The following CPM variants were observed in gnomAD, a reference collection of about 807,000 sequenced individuals.
CPM encodes the protein renal carboxypeptidase.
A neutral mutation model predicts 46.4 loss-of-function variants in CPM; 35 were observed. That is an observed-to-expected ratio of 0.75 (90% confidence interval 0.58 to 1.00). The LOEUF (loss-of-function observed/expected upper bound fraction) is 1.00, where lower values mean the gene tolerates loss of function less well. Ranked by LOEUF, CPM falls within the 50% of genes least tolerant of loss-of-function variation. The pLI, the probability that CPM is intolerant of heterozygous loss-of-function variation, is 0.00. For missense variants in CPM, 422 were observed against 530.4 expected, an observed-to-expected ratio of 0.80 and a Z score of 2.01; for synonymous variants, 195 against 195.3, an observed-to-expected ratio of 1.00 and a Z score of 0.01.
intron 2 of CPM, among the ~76,000 whole-genome samples, chr12:68,928,149 C>T (rs1888348105): frequency 1.3e-5 from 2 of 152,216 alleles, no homozygotes; most frequent in African/African-American, 4.8e-5. Flanking sequence ...ACCAAAACAG[C>T]ATGGTACTGG....
intron 2 of CPM, among the ~76,000 whole-genome samples, chr12:68,910,406 A>G (rs1261628707): frequency 6.6e-6 from 1 of 152,214 alleles, no homozygotes; most frequent in East Asian, 1.9e-4. Context: ...GGAAATGCAC[A>G]TCAACTTTTT....
chr12:68,945,259 T>C (rs1888827782), intron 1 of CPM, among the ~76,000 whole-genome samples: 1 of 152,188 alleles, frequency 6.6e-6, no homozygotes. Flanking sequence ...CATCCTTGCT[T>C]CCAAGTGAAA....
At chr12:68,858,041 T>C (rs1885050370) in intron 8 of CPM, among the ~76,000 whole-genome samples, 2 of 152,212 alleles carry the variant, frequency 1.3e-5, no homozygotes, top group Admixed American at 1.3e-4. Context: ...GGAGAACCCA[T>C]GGAGCATGGA....
Position 68,932,777 on chromosome 12 carries a change from T to C in CPM, c.61A>G (p.Asn21Asp). 1.2e-6 allele frequency: 2 copies of C among 1,614,064 alleles called. No homozygotes were observed. Among genetic ancestry groups the C allele is most frequent in the Non-Finnish European group, 1.7e-6 (2 of 1,179,990 alleles). ...TCCATCCCTTCCTGGCGGTGGTAGT[T>C]GAAATCCAGCGCAGCTACCAAAGGC... The part of the protein sequence containing the change: ...LLPLVAALDF[N>D]YHRQEGMEAF... Residue 21 changes from asparagine (N) to aspartate (D), a missense_variant, in exon 2 of 9, where the codon AAC becomes GAC. By Grantham distance (23) the Asn-to-Asp change is conservative (BLOSUM62 1). Transcript: ENST00000551568.
intron 1 of CPM, among the ~76,000 whole-genome samples, chr12:68,954,353 C>T (rs1282518300): frequency 6.6e-6 from 1 of 152,194 alleles, no homozygotes; most frequent in Non-Finnish European, 1.5e-5. Context: ...CCAAAGACCT[C>T]CAAGGAGCAC....
chr12:68,866,862 AT>A, intron 7 of CPM, 33 bp downstream of exon 7: 1 of 1,579,888 alleles, frequency 6.3e-7, no homozygotes, highest in South Asian at 1.1e-5. Flanking sequence ...TCTATTTTGT[AT>A]TAATAGGGAA....
intron 2 of CPM, among the ~76,000 whole-genome samples, chr12:68,891,927 G>A (rs1886671552): frequency 6.6e-6 from 1 of 152,100 alleles, no homozygotes; most frequent in East Asian, 1.9e-4. Flanking sequence ...AGTAGAGATG[G>A]GGTTTAGCCA....
At chr12:68,949,190 G>A (rs1888895774) in intron 1 of CPM, among the ~76,000 whole-genome samples, 1 of 152,112 alleles carries the variant, frequency 6.6e-6, no homozygotes, top group Non-Finnish European at 1.5e-5. Flanking sequence ...AGCCAACATG[G>A]CGAAAGCTCA....
chr12:68,929,337 G>C lies in CPM; in HGVS notation c.160+3341C>G, dbSNP rs570281863. Among the ~76,000 whole-genome samples, 5 of 152,230 alleles carry C rather than the reference G, an allele frequency of 3.3e-5. No individual in the cohort carries two copies. In the South Asian group the frequency reaches 1.0e-3, roughly 32 times the overall value. On this transcript the variant is annotated intron_variant, in intron 2 of 8. Transcript: ENST00000551568. Reference sequence around the variant, plus strand: ...ATTAAATAAATAGATATAGATTATTGATTATGTGCCAGGCATCCTTCTAGA... The same window carrying C: ...ATTAAATAAATAGATATAGATTATTCATTATGTGCCAGGCATCCTTCTAGA...
chr12:68,880,534 G>A (rs1478309267), intron 3 of CPM, among the ~76,000 whole-genome samples: 1 of 152,150 alleles, frequency 6.6e-6, no homozygotes, highest in Non-Finnish European at 1.5e-5. Context: ...CCATCCCAGT[G>A]AAATTAATTT....
chr12:68,955,594 G>C (rs1208366753), intron 1 of CPM, among the ~76,000 whole-genome samples: 1 of 152,174 alleles, frequency 6.6e-6, no homozygotes, highest in African/African-American at 2.4e-5. Flanking sequence ...CATCCAGAAA[G>C]AATGAGGTAC....
intron 3 of CPM, among the ~76,000 whole-genome samples, chr12:68,876,444 T>C (rs1240113603): frequency 1.3e-5 from 2 of 152,218 alleles, no homozygotes; most frequent in African/African-American, 4.8e-5. Context: ...CTCATTCATG[T>C]TTTATGTATA....
intron 2 of CPM, among the ~76,000 whole-genome samples, chr12:68,914,971 T>C (rs1442943095): frequency 1.3e-5 from 2 of 152,202 alleles, no homozygotes; most frequent in African/African-American, 4.8e-5. Context: ...TAAAATAATA[T>C]GGATAAGTAG....
chr12:68,917,088 C>T (rs1015230393), intron 2 of CPM, among the ~76,000 whole-genome samples: 5 of 152,114 alleles, frequency 3.3e-5, no homozygotes, highest in Non-Finnish European at 7.4e-5. Flanking sequence ...ATAATCTACC[C>T]CACACTCACC....
At chr12:68,862,856 A>T (rs1422539611) in intron 7 of CPM, among the ~76,000 whole-genome samples, 2 of 138,974 alleles carry the variant, frequency 1.4e-5, no homozygotes, top group African/African-American at 2.7e-5. Flanking sequence ...ACACTATATT[A>T]AAAAAAAAAA....
At chr12:68,924,323 T>C (rs959764045) in intron 2 of CPM, among the ~76,000 whole-genome samples, 1 of 151,920 alleles carries the variant, frequency 6.6e-6, no homozygotes, top group African/African-American at 2.4e-5. Context: ...GGTAAAACCC[T>C]GTCTCTACCA....
chr12:68,879,588 C>T lies in CPM; in HGVS notation c.258+6204G>A, dbSNP rs139011256. 8.1e-4 allele frequency among the ~76,000 whole-genome samples: 123 copies of T among 152,178 alleles called. 1 individual carries two copies. The highest frequency in any genetic ancestry group is 3.4e-3 in the Middle Eastern group (1 of 294). On this transcript the variant is annotated intron_variant, in intron 3 of 8. Coordinates refer to ENST00000551568, the MANE Select transcript of CPM (RefSeq NM_198320.5). ...CTATGTTTCTCAGGCTAGTCTTGAA[C>T]TCCTGGCCTCAAGCAATCTCCCCAG... is the stretch of plus-strand genomic sequence containing the variant.
intron 2 of CPM, among the ~76,000 whole-genome samples, chr12:68,907,322 A>G (rs1395739725): frequency 6.6e-6 from 1 of 152,204 alleles, no homozygotes; most frequent in Non-Finnish European, 1.5e-5. Flanking sequence ...GCGAACCTGG[A>G]GCTAGACAAC....
rs564044502 is a variant in CPM at position 68,875,791 on chromosome 12, G to A, written c.259-3835C>T. Among the ~76,000 whole-genome samples the A allele has an allele frequency of 1.3e-3, 181 of 140,540 alleles. 1 individual carries two copies. Among genetic ancestry groups the A allele is most frequent in the Middle Eastern group, 4.0e-3 (1 of 248 alleles). The allele number at this position is 140,540 out of a possible 152,430, so 92.2% of individuals were successfully genotyped here. A position where few individuals can be genotyped will look rare whatever the true frequency, so the allele number is the denominator to read the frequency against. On this transcript the variant is annotated intron_variant, in intron 3 of 8. Transcript: ENST00000551568. The stretch of plus-strand genomic sequence containing the variant: ...ACTGCACTCTAGCCTGGGCAACAGC[G>A]AGACTCTGTCTCAAAAAAAAAAAAA...
Sources: allele counts gnomAD v4.1 joint callset (sites outside exome capture counted in the v4.1 genomes callset), GRCh38; gene constraint gnomAD v4.1.1; transcripts MANE v1.5; gene names NCBI Gene and HGNC (gene_info 2026-07-23, HGNC 2026-07-21).